Variants in CDH4 observed in about 807,000 individuals in gnomAD.
CDH4 encodes the protein cadherin-4.
A neutral mutation model predicts 86.0 loss-of-function variants in CDH4; 33 were observed. The observed-to-expected ratio is 0.38, with a 90% CI of 0.29 to 0.51. The LOEUF (loss-of-function observed/expected upper bound fraction) is 0.51. Ranked by LOEUF, CDH4 falls within the 20% of genes least tolerant of loss-of-function variation. CDH4 has a pLI of 0.86. For missense variants in CDH4, 1,114 were observed against 1,307.4 expected (o/e 0.85, Z 2.28); for synonymous variants, 555 against 549.4 (o/e 1.01, Z -0.14).
chr20:61,662,763 G>C (rs1344643552), intron 2 of CDH4, among the ~76,000 whole-genome samples: 2 of 152,190 alleles, frequency 1.3e-5, no homozygotes, highest in African/African-American at 4.8e-5. Flanking sequence ...ACTCGGGATG[G>C]CGAGGGTACC....
intron 8 of CDH4, among the ~76,000 whole-genome samples, chr20:61,908,282 C>T (rs1265368548): frequency 4.6e-5 from 7 of 152,176 alleles, no homozygotes; most frequent in African/African-American, 1.4e-4. Context: ...AGGGGACCAG[C>T]GTATTTCATT....
chr20:61,873,695 C>A, intron 6 of CDH4, 33 bp from the exon 7 acceptor site: 2 of 1,597,480 alleles, frequency 1.3e-6, no homozygotes, highest in Non-Finnish European at 1.7e-6. Flanking sequence ...GTGTGGCAGG[C>A]CATCCCCATC....
At chr20:61,598,443 G>A (rs377758421) in intron 2 of CDH4, among the ~76,000 whole-genome samples, 29 of 149,244 alleles carry the variant, frequency 1.9e-4, no homozygotes, top group East Asian at 6.0e-4. Context: ...CCCTCCTTCC[G>A]TACTATGGCT....
intron 2 of CDH4, among the ~76,000 whole-genome samples, chr20:61,567,447 AG>A (rs1225484820): frequency 3.3e-5 from 5 of 152,180 alleles, no homozygotes; most frequent in African/African-American, 1.2e-4. Context: ...TGGCATGGCA[AG>A]GGGAGAGGGA....
At chr20:61,555,771 C>T (rs2086172746) in intron 2 of CDH4, among the ~76,000 whole-genome samples, 1 of 152,166 alleles carries the variant, frequency 6.6e-6, no homozygotes, top group Non-Finnish European at 1.5e-5. Flanking sequence ...TTAAATCACA[C>T]ATAATGTTCA....
chr20:61,755,390 G>T (rs62204624), intron 3 of CDH4, among the ~76,000 whole-genome samples: 1 of 97,892 alleles, frequency 1.0e-5, no homozygotes, highest in Non-Finnish European at 2.1e-5. Flanking sequence ...ACACACACAC[G>T]CCCCATGCAC....
intron 2 of CDH4, among the ~76,000 whole-genome samples, chr20:61,617,818 C>A (rs2086737765): frequency 6.6e-6 from 1 of 152,136 alleles, no homozygotes; most frequent in Non-Finnish European, 1.5e-5. Flanking sequence ...GTCTCCCCAC[C>A]CAAATTTCAT....
At chr20:61,740,824 A>C (rs2088323743) in intron 2 of CDH4, 4 of 152,242 alleles carry the variant, frequency 2.6e-5, no homozygotes, top group Non-Finnish European at 5.9e-5. Flanking sequence ...GGTTAGACTG[A>C]AACAGGATGT....
intron 2 of CDH4, among the ~76,000 whole-genome samples, chr20:61,347,864 G>A (rs749388376): frequency 5.9e-5 from 9 of 152,104 alleles, no homozygotes; most frequent in South Asian, 2.1e-4. Context: ...CGTTTGAACC[G>A]TGCCTGGAAT....
At chr20:61,296,548 TC>T (rs1462753949) in intron 2 of CDH4, among the ~76,000 whole-genome samples, 1 of 151,740 alleles carries the variant, frequency 6.6e-6, no homozygotes, top group Admixed American at 6.6e-5. Flanking sequence ...CACAGAAACG[TC>T]CCCACACACA....
chr20:61,412,965 C>A (rs978606074), intron 2 of CDH4, among the ~76,000 whole-genome samples: 2 of 152,142 alleles, frequency 1.3e-5, no homozygotes, highest in Non-Finnish European at 2.9e-5. Flanking sequence ...GTTGATAGAA[C>A]CCTGCCTAGG....
At chr20:61,857,214 C>G (rs571185065) in intron 6 of CDH4, among the ~76,000 whole-genome samples, 30 of 152,364 alleles carry the variant, frequency 2.0e-4, no homozygotes, top group African/African-American at 7.0e-4. Context: ...TCCGCGCTGT[C>G]TGGGATGGTG....
rs575738150 is a variant in CDH4 at position 61,517,284 on chromosome 20, C to T, written c.170-226279C>T. ...CACAACCCACGGCAGCCGCCAACTC[C>T]TGGGCTCAAGCGATCCTCCCACCTC... is the stretch of plus-strand genomic sequence containing the variant. On this transcript the variant is annotated intron_variant, in intron 2 of 15. Coordinates refer to ENST00000614565, the MANE Select transcript of CDH4 (RefSeq NM_001794.5). The surrounding 1 kb of genome is among the most constrained non-coding windows in gnomAD (Gnocchi z 6.6). Among the ~76,000 whole-genome samples, 1 of 152,242 alleles carries T rather than the reference C, an allele frequency of 6.6e-6. No individual in the cohort carries two copies. The highest frequency in any genetic ancestry group is 2.4e-5 in the African/African-American group (1 of 41,468).
At chr20:61,742,140 A>C (rs2088347575) in intron 2 of CDH4, among the ~76,000 whole-genome samples, 1 of 151,532 alleles carries the variant, frequency 6.6e-6, no homozygotes, top group African/African-American at 2.4e-5. Flanking sequence ...AAAAAAAAAA[A>C]TGTAATGATT....
chr20:61,886,122 T>TG, intron 7 of CDH4, among the ~76,000 whole-genome samples: 1 of 152,092 alleles, frequency 6.6e-6, no homozygotes, highest in East Asian at 1.9e-4. Flanking sequence ...CCAGAGCAGG[T>TG]GGGGGAGGCG....
At chr20:61,774,234 T>G (rs2088812646) in intron 4 of CDH4, among the ~76,000 whole-genome samples, 1 of 152,186 alleles carries the variant, frequency 6.6e-6, no homozygotes. Flanking sequence ...CCCATGCCCC[T>G]TGAGGGCCAG....
At chr20:61,697,337 C>T (rs942402551) in intron 2 of CDH4, among the ~76,000 whole-genome samples, 1 of 152,138 alleles carries the variant, frequency 6.6e-6, no homozygotes, top group Non-Finnish European at 1.5e-5. Flanking sequence ...CAGTGGCTCA[C>T]GCCTGTAATA....
chr20:61,772,271 A>G (rs985541961), intron 3 of CDH4, among the ~76,000 whole-genome samples: 8 of 151,856 alleles, frequency 5.3e-5, no homozygotes, highest in Non-Finnish European at 1.2e-4. Context: ...CTCAGCCGTC[A>G]GCCTCCGCCC....
At chr20:61,617,508 T>C (rs1442832999) in intron 2 of CDH4, among the ~76,000 whole-genome samples, 2 of 152,090 alleles carry the variant, frequency 1.3e-5, no homozygotes, top group African/African-American at 4.8e-5. Flanking sequence ...CAAGAAGTCA[T>C]AGGAGGAGCA....
Sources: gnomAD v4.1 joint callset for allele counts (sites outside exome capture counted in the v4.1 genomes callset) on GRCh38, gnomAD v4.1.1 for gene constraint, Gnocchi (gnomAD v3.1) non-coding constraint, MANE v1.5 for transcripts, NCBI Gene and HGNC (gene_info 2026-07-23, HGNC 2026-07-21) for gene names.